The following ITGA9 variants were observed in gnomAD, a reference collection of about 807,000 sequenced individuals.
ITGA9 encodes integrin subunit alpha 9.
Under a neutral mutation model 127.8 loss-of-function variants are expected in ITGA9, and 56 were observed. The ratio of observed to expected loss-of-function variants is 0.44; its 90% CI spans 0.35 to 0.55. ITGA9 has a LOEUF of 0.55. Among genes scored for constraint, ITGA9 ranks in the 20% least tolerant of loss-of-function variants. ITGA9 has a pLI of 0.00. For synonymous variants in ITGA9, 508 were observed against 514.5 expected (o/e 0.99, Z 0.17); for missense variants, 1,196 against 1,347.1 (o/e 0.89, Z 1.76).
intron 8 of ITGA9, among the ~76,000 whole-genome samples, chr3:37,511,177 C>T (rs1185179010): frequency 6.6e-6 from 1 of 152,042 alleles, no homozygotes. Context: ...AGAAACAAAG[C>T]AAAAAGATTA....
chr3:37,764,366 T>C (rs185609839), intron 23 of ITGA9, among the ~76,000 whole-genome samples: 2 of 150,278 alleles, frequency 1.3e-5, no homozygotes, highest in East Asian at 3.9e-4. Flanking sequence ...AAGGACCTGG[T>C]TTACTATCTG....
At chr3:37,748,620 A>C in intron 22 of ITGA9, 1 of 499,606 alleles carries the variant, frequency 2.0e-6, no homozygotes, top group Non-Finnish European at 3.6e-6. Context: ...GGTGGCAGCC[A>C]CCTGTAATCC....
intron 18 of ITGA9, among the ~76,000 whole-genome samples, chr3:37,725,160 A>AG (rs952675729): frequency 5.3e-5 from 8 of 152,178 alleles, no homozygotes; most frequent in African/African-American, 7.2e-5. Flanking sequence ...GATCAACAGG[A>AG]GTGCTTGCTT....
At chr3:37,530,972 C>T (rs1437953930) in intron 13 of ITGA9, among the ~76,000 whole-genome samples, 2 of 151,860 alleles carry the variant, frequency 1.3e-5, no homozygotes, top group African/African-American at 2.4e-5. Flanking sequence ...AGTATGGTCT[C>T]GATCTCCTGA....
intron 17 of ITGA9, among the ~76,000 whole-genome samples, chr3:37,673,412 A>C (rs1700655611): frequency 6.6e-6 from 1 of 152,136 alleles, no homozygotes. Context: ...CAGTGGCATC[A>C]CTGGTGTGAG....
intron 23 of ITGA9, among the ~76,000 whole-genome samples, chr3:37,773,765 C>G (rs566987388): frequency 6.6e-6 from 1 of 151,962 alleles, no homozygotes; most frequent in Non-Finnish European, 1.5e-5. Context: ...TCAAACTGCA[C>G]CCTTTAGATC....
At chr3:37,721,731 T>C (rs904886836) in intron 18 of ITGA9, among the ~76,000 whole-genome samples, 1 of 152,142 alleles carries the variant, frequency 6.6e-6, no homozygotes, top group African/African-American at 2.4e-5. Flanking sequence ...TTGTCTGCAT[T>C]TGGCATCTGC....
At position 37,688,257 on chromosome 3, in the gene ITGA9, A is replaced by G. The variant is rs536460621; in HGVS notation, c.2067+4242A>G. Among the ~76,000 whole-genome samples, 21 of 152,320 alleles carry G rather than the reference A, an allele frequency of 1.4e-4. No individual in the cohort carries two copies. In the Middle Eastern group the frequency reaches 0.01, roughly 74 times the overall value. ...GAGCGAGGTGCTAGCCACATCTGCT[A>G]TAGTAACCATGAGAGCTTCCTGAAA... is the stretch of plus-strand genomic sequence containing the variant. On this transcript the variant is annotated intron_variant, in intron 18 of 27. Transcript: ENST00000264741.
intron 15 of ITGA9, among the ~76,000 whole-genome samples, chr3:37,567,415 A>G (rs1017642757): frequency 1.3e-5 from 2 of 152,156 alleles, no homozygotes; most frequent in Non-Finnish European, 2.9e-5. Flanking sequence ...CAGCCAAGCC[A>G]TATCATTCCG....
At chr3:37,712,579 G>A (rs545833856) in intron 18 of ITGA9, among the ~76,000 whole-genome samples, 51 of 152,198 alleles carry the variant, frequency 3.4e-4, no homozygotes, top group Non-Finnish European at 7.1e-4. Context: ...TTCGACCACA[G>A]CTTCTGGTTG....
chr3:37,708,577 G>T (rs1701034126), intron 18 of ITGA9, among the ~76,000 whole-genome samples: 1 of 2,208 alleles, frequency 4.5e-4, no homozygotes, highest in Non-Finnish European at 6.5e-4. Context: ...AACTTTTGGA[G>T]AAATTTTTGG....
chr3:37,798,728 A>G (rs760476391), intron 26 of ITGA9, among the ~76,000 whole-genome samples: 10 of 152,214 alleles, frequency 6.6e-5, no homozygotes, highest in Non-Finnish European at 1.3e-4. Context: ...CTTGTAGGGT[A>G]TTAGCCAGTT....
chr3:37,655,699 T>A (rs1700471268), intron 17 of ITGA9, among the ~76,000 whole-genome samples: 1 of 152,230 alleles, frequency 6.6e-6, no homozygotes, highest in Non-Finnish European at 1.5e-5. Flanking sequence ...TTAGTTTAGT[T>A]AGATCCCATT....
intron 3 of ITGA9, 64 bp downstream of exon 3, chr3:37,473,524 G>A: frequency 8.0e-7 from 1 of 1,243,164 alleles, no homozygotes; most frequent in Non-Finnish European, 1.2e-6. Flanking sequence ...GATCTGTTAG[G>A]AAGGCTGGAT....
intron 9 of ITGA9, among the ~76,000 whole-genome samples, chr3:37,514,960 G>T (rs1698969083): frequency 6.6e-6 from 1 of 151,926 alleles, no homozygotes; most frequent in African/African-American, 2.4e-5. Context: ...TGGAGGGTGG[G>T]TGAGTGGGGG....
chr3:37,666,841 G>A (rs567613340), intron 17 of ITGA9, among the ~76,000 whole-genome samples: 8 of 152,322 alleles, frequency 5.3e-5, no homozygotes, highest in African/African-American at 1.2e-4. Flanking sequence ...TGGATGATTG[G>A]CACTTTGTCC....
At chr3:37,671,752 G>C (rs974041660) in intron 17 of ITGA9, among the ~76,000 whole-genome samples, 8 of 152,052 alleles carry the variant, frequency 5.3e-5, no homozygotes, top group Non-Finnish European at 8.8e-5. Flanking sequence ...ATCTCTCTCT[G>C]GAGTTAATAA....
intron 15 of ITGA9, among the ~76,000 whole-genome samples, chr3:37,545,587 G>A (rs6797787): frequency 0.036 from 5,550 of 152,184 alleles, 307 homozygotes; most frequent in South Asian, 0.2. Flanking sequence ...ACTTTCTCAC[G>A]GCCTCACTGT....
chr3:37,730,948 C>G (rs1425451515), intron 18 of ITGA9, among the ~76,000 whole-genome samples: 1 of 152,150 alleles, frequency 6.6e-6, no homozygotes, highest in Non-Finnish European at 1.5e-5. Flanking sequence ...AAAATGGAAG[C>G]TGGGATCTTA....
Sources: gnomAD v4.1 joint callset for allele counts (sites outside exome capture counted in the v4.1 genomes callset) on GRCh38, gnomAD v4.1.1 for gene constraint, MANE v1.5 for transcripts, NCBI Gene and HGNC (gene_info 2026-07-23, HGNC 2026-07-21) for gene names.